HIVEP3: variants seen among roughly 807,000 people sequenced by gnomAD.
The protein encoded by HIVEP3 is HIVEP zinc finger 3, also known as transcription factor HIVEP3.
A neutral mutation model predicts 152.8 loss-of-function variants in HIVEP3; 49 were observed. That is an observed-to-expected ratio of 0.32 (90% CI 0.26 to 0.41). The LOEUF is 0.41. Ranked by LOEUF, HIVEP3 falls within the 10% of genes least tolerant of loss-of-function variation. The pLI, the probability that HIVEP3 is intolerant of heterozygous loss-of-function variation, is 1.00. For missense variants in HIVEP3, 2,790 were observed against 3,103.3 expected (o/e 0.90, Z 2.40); for synonymous variants, 1,269 against 1,289.0 (o/e 0.98, Z 0.33).
At chr1:41,897,976 A>AGG (rs1644560468) in intron 1 of HIVEP3, among the ~76,000 whole-genome samples, 1 of 137,370 alleles carries the variant, frequency 7.3e-6, no homozygotes, top group South Asian at 2.4e-4. Context: ...AGAGAGAGAG[A>AGG]GAGAGGTGCT....
intron 1 of HIVEP3, among the ~76,000 whole-genome samples, chr1:41,893,355 C>T (rs184720824): frequency 6.6e-6 from 1 of 152,216 alleles, no homozygotes; most frequent in African/African-American, 2.4e-5. Flanking sequence ...ATATTAATCC[C>T]TCTCTCTGCC....
intron 1 of HIVEP3, among the ~76,000 whole-genome samples, chr1:41,761,763 T>C (rs1647699074): frequency 6.6e-6 from 1 of 152,240 alleles, no homozygotes; most frequent in South Asian, 2.1e-4. Context: ...GGTGTATATG[T>C]GTAGGCACAT....
intron 6 of HIVEP3, among the ~76,000 whole-genome samples, chr1:41,523,540 C>T (rs2149051926): frequency 1.3e-5 from 2 of 152,244 alleles, no homozygotes; most frequent in South Asian, 4.2e-4. Flanking sequence ...GAAGAGGCCA[C>T]TCTCCCAGGG....
At chr1:41,845,342 G>A (rs997660415) in intron 1 of HIVEP3, among the ~76,000 whole-genome samples, 1 of 150,868 alleles carries the variant, frequency 6.6e-6, no homozygotes, top group Non-Finnish European at 1.5e-5. Context: ...CTAGTAGAAT[G>A]GATAAATGAG....
At chr1:41,679,196 C>T (rs1165969751) in intron 2 of HIVEP3, among the ~76,000 whole-genome samples, 1 of 152,190 alleles carries the variant, frequency 6.6e-6, no homozygotes, top group Non-Finnish European at 1.5e-5. Flanking sequence ...AAAGCCACTC[C>T]CCTACTCTTT....
intron 2 of HIVEP3, among the ~76,000 whole-genome samples, chr1:41,660,163 G>C (rs1482484406): frequency 1.3e-5 from 2 of 152,134 alleles, no homozygotes; most frequent in Non-Finnish European, 2.9e-5. Context: ...GTGGGTGTTT[G>C]AGTGTGTAAG....
intron 1 of HIVEP3, among the ~76,000 whole-genome samples, chr1:41,889,969 C>T (rs12073820): frequency 6.6e-6 from 1 of 152,186 alleles, no homozygotes; most frequent in Non-Finnish European, 1.5e-5. Context: ...ATCTGCTCAC[C>T]ATCCAATGAA....
intron 5 of HIVEP3, among the ~76,000 whole-genome samples, chr1:41,545,369 CACCACCACT>C (rs1643738927): frequency 2.2e-4 from 3 of 13,564 alleles, no homozygotes; most frequent in Admixed American, 1.7e-3. Flanking sequence ...CCATCACCAC[CACCACCACT>C]ACCACCACCA....
chr1:41,870,156 A>G (rs1409680281), intron 1 of HIVEP3, among the ~76,000 whole-genome samples: 1 of 152,070 alleles, frequency 6.6e-6, no homozygotes, highest in Non-Finnish European at 1.5e-5. Flanking sequence ...AAGGTGCTGC[A>G]GGGGTGACGG....
chr1:41,615,093 A>C (rs1644948705), intron 3 of HIVEP3, among the ~76,000 whole-genome samples: 1 of 152,208 alleles, frequency 6.6e-6, no homozygotes, highest in Non-Finnish European at 1.5e-5. Context: ...TTTTCTCAGA[A>C]ATAATGCCAT....
At chr1:41,615,446 G>A (rs1248320451) in intron 3 of HIVEP3, among the ~76,000 whole-genome samples, 2 of 152,244 alleles carry the variant, frequency 1.3e-5, no homozygotes, top group Non-Finnish European at 2.9e-5. Context: ...GGGCACTTAA[G>A]TGGGGTCTAA....
chr1:41,697,628 T>C (rs991825267), intron 2 of HIVEP3, among the ~76,000 whole-genome samples: 1 of 152,142 alleles, frequency 6.6e-6, no homozygotes, highest in African/African-American at 2.4e-5. Flanking sequence ...GAGGCTGCTG[T>C]CTAAACTCTC....
chr1:41,642,045 G>C (rs1332084106), intron 2 of HIVEP3, among the ~76,000 whole-genome samples: 1 of 152,180 alleles, frequency 6.6e-6, no homozygotes, highest in Non-Finnish European at 1.5e-5. Context: ...AACAGGGCCT[G>C]GCCCAAAGCC....
chr1:41,565,233 C>T (rs896847883), intron 5 of HIVEP3, among the ~76,000 whole-genome samples: 3 of 151,932 alleles, frequency 2.0e-5, no homozygotes, highest in East Asian at 1.9e-4. Context: ...GGGAGGTGGC[C>T]GGAGGTGGAA....
At chr1:41,942,157 T>C (rs908302330) in intron 1 of HIVEP3, among the ~76,000 whole-genome samples, 1 of 152,194 alleles carries the variant, frequency 6.6e-6, no homozygotes, top group Admixed American at 6.5e-5. Context: ...TCTCATGCAG[T>C]CTCACAACTT....
intron 1 of HIVEP3, among the ~76,000 whole-genome samples, chr1:41,961,443 TG>T (rs1337943927): frequency 6.6e-6 from 1 of 152,278 alleles, no homozygotes; most frequent in African/African-American, 2.4e-5. Flanking sequence ...ATCACTGTTT[TG>T]GGTCAATAGC....
chr1:41,513,395 C>A lies in HIVEP3; in HGVS notation c.5826G>T (p.Leu1942=), dbSNP rs1054337955. ...CCACAGAGCCCAGAGGGGCCGGTCC[C>A]AGCCAGGGGAGGCCCGGCATGCTCT... is the stretch of plus-strand genomic sequence containing the variant. ...SSQSMPGLPW[L]GPAPLGSVEK... Residue 1942 remains leucine, a synonymous_variant, in exon 8 of 9, where the codon CTG becomes CTT. Transcript: ENST00000372583. 1 of 1,611,762 alleles carries A rather than the reference C, an allele frequency of 6.2e-7. No homozygotes were observed. The highest frequency in any genetic ancestry group is 8.5e-7 in the Non-Finnish European group (1 of 1,179,170).
intron 2 of HIVEP3, among the ~76,000 whole-genome samples, chr1:41,663,259 C>T (rs1570257024): frequency 6.6e-6 from 1 of 152,166 alleles, no homozygotes; most frequent in Admixed American, 6.5e-5. Context: ...CAGGGCTGGC[C>T]CTGGGTTTGG....
At chr1:41,987,276 A>G (rs1645330086) in intron 1 of HIVEP3, among the ~76,000 whole-genome samples, 1 of 152,240 alleles carries the variant, frequency 6.6e-6, no homozygotes, top group African/African-American at 2.4e-5. Context: ...TTTTTCATAG[A>G]AATAGAAAAA....
Sources: allele counts gnomAD v4.1 joint callset (sites outside exome capture counted in the v4.1 genomes callset), GRCh38; gene constraint gnomAD v4.1.1; transcripts MANE v1.5; gene names NCBI Gene and HGNC (gene_info 2026-07-23, HGNC 2026-07-21).